TMEM132D: variants seen among roughly 807,000 people sequenced by gnomAD.
TMEM132D encodes transmembrane protein 132D, also known as mature OL transmembrane protein.
TMEM132D carries 21 observed loss-of-function variants against 62.3 expected under a neutral mutation model. The observed-to-expected ratio is 0.34, with a 90% CI of 0.24 to 0.49. TMEM132D has a LOEUF of 0.49. Ranked by LOEUF, TMEM132D falls within the 20% of genes least tolerant of loss-of-function variation. The pLI is 0.99. For synonymous variants in TMEM132D, 621 were observed against 575.6 expected, an observed-to-expected ratio of 1.08 and a Z score of -1.13; for missense variants, 1,346 against 1,402.8, an observed-to-expected ratio of 0.96 and a Z score of 0.65.
chr12:129,091,527 C>T (rs1874917245), intron 5 of TMEM132D, among the ~76,000 whole-genome samples: 1 of 151,832 alleles, frequency 6.6e-6, no homozygotes, highest in East Asian at 2.0e-4. Context: ...CCTATGCTCA[C>T]CTGGGCTCTG....
intron 2 of TMEM132D, among the ~76,000 whole-genome samples, chr12:129,681,262 T>C (rs1189816553): frequency 6.6e-6 from 1 of 152,256 alleles, no homozygotes; most frequent in Non-Finnish European, 1.5e-5. Context: ...AAAGCTACTA[T>C]GAAACCCAGT....
At chr12:129,215,858 GA>G (rs1879187285) in intron 4 of TMEM132D, among the ~76,000 whole-genome samples, 1 of 152,194 alleles carries the variant, frequency 6.6e-6, no homozygotes, top group Non-Finnish European at 1.5e-5. Flanking sequence ...GGGGCAAAGA[GA>G]GAAGGAGAGC....
At chr12:129,580,128 T>A (rs892289887) in intron 2 of TMEM132D, among the ~76,000 whole-genome samples, 2 of 152,188 alleles carry the variant, frequency 1.3e-5, no homozygotes, top group African/African-American at 4.8e-5. Flanking sequence ...AAGGGAGGTT[T>A]ATCTCTTGGC....
Position 129,827,356 on chromosome 12 carries a change from A to G in TMEM132D, c.79+75905T>C, listed in dbSNP as rs1324300068. Among the ~76,000 whole-genome samples the G allele has an allele frequency of 6.6e-6, 1 of 152,196 alleles. No homozygotes were observed. Among genetic ancestry groups the G allele is most frequent in the African/African-American group, 2.4e-5 (1 of 41,450 alleles). ...GTTTCTAAGCCCCAAATTCATGGTC[A>G]CACCCCCAGGCAGAACTCTGGAGCA... On this transcript the variant is annotated intron_variant, in intron 1 of 8. Transcript: ENST00000422113. The surrounding 1 kb of genome is among the most constrained non-coding windows in gnomAD (Gnocchi z 9.7).
intron 3 of TMEM132D, among the ~76,000 whole-genome samples, chr12:129,394,181 A>G (rs530655245): frequency 1.6e-4 from 24 of 152,252 alleles, no homozygotes; most frequent in African/African-American, 5.8e-4. Flanking sequence ...GATGGGTGGG[A>G]AAAAAACCTG....
At chr12:129,328,338 C>T (rs1014896318) in intron 4 of TMEM132D, among the ~76,000 whole-genome samples, 2 of 152,212 alleles carry the variant, frequency 1.3e-5, no homozygotes, top group African/African-American at 2.4e-5. Flanking sequence ...TCAGGAAATG[C>T]TTTTCAAATG....
chr12:129,290,710 TAAA>T (rs1478797360), intron 4 of TMEM132D, among the ~76,000 whole-genome samples: 4 of 152,208 alleles, frequency 2.6e-5, no homozygotes, highest in African/African-American at 9.6e-5. Flanking sequence ...TGCAATATTT[TAAA>T]CATGATAATA....
In TMEM132D at chr12:129,371,081, C is replaced by G. The variant is rs1410236869; in HGVS notation, c.1116-33264G>C. Among the ~76,000 whole-genome samples, 1 of 152,028 alleles carries G rather than the reference C, an allele frequency of 6.6e-6. No individual in the cohort carries two copies. The highest frequency in any genetic ancestry group is 1.5e-5 in the Non-Finnish European group (1 of 68,016). The stretch of plus-strand genomic sequence containing the variant: ...CAGATAAATATTTGATGTGATAGAC[C>G]CAATTACCTTGATTCGATCATTATA... On this transcript the variant is annotated intron_variant, in intron 3 of 8. Transcript: ENST00000422113. This position sits in a 1 kb window ranked among gnomAD's most constrained non-coding sequence, Gnocchi z 4.3.
chr12:129,792,354 C>T (rs911590977), intron 1 of TMEM132D, among the ~76,000 whole-genome samples: 3 of 152,118 alleles, frequency 2.0e-5, no homozygotes, highest in Non-Finnish European at 4.4e-5. Context: ...TAGCTCTCTC[C>T]CCTGTAAAAC....
chr12:129,477,870 A>G (rs1874316910), intron 3 of TMEM132D, among the ~76,000 whole-genome samples: 1 of 150,638 alleles, frequency 6.6e-6, no homozygotes, highest in Non-Finnish European at 1.5e-5. Flanking sequence ...ATATACAGAG[A>G]GAGAGAGAGA....
chr12:129,099,465 C>T (rs56008229), intron 5 of TMEM132D, among the ~76,000 whole-genome samples: 20,361 of 152,206 alleles, frequency 0.13, 4,553 homozygotes, highest in African/African-American at 0.46. Context: ...AAAAAAACCT[C>T]CCACCTATGC....
chr12:129,722,325 G>A (rs2398472), intron 1 of TMEM132D, among the ~76,000 whole-genome samples: 125,513 of 151,884 alleles, frequency 0.83, 52,388 homozygotes, highest in Non-Finnish European at 0.9. Context: ...AAGTCGAAAT[G>A]CCGACTGCCT....
At chr12:129,177,283 T>C (rs896279236) in intron 5 of TMEM132D, among the ~76,000 whole-genome samples, 3 of 152,174 alleles carry the variant, frequency 2.0e-5, no homozygotes, top group Non-Finnish European at 2.9e-5. Context: ...CATCCCCCTA[T>C]GGGCTATGTC....
At chr12:129,370,781 A>G (rs1318704933) in intron 3 of TMEM132D, among the ~76,000 whole-genome samples, 1 of 152,358 alleles carries the variant, frequency 6.6e-6, no homozygotes, top group Middle Eastern at 3.4e-3. Context: ...CCAGGCAGAG[A>G]AAGACAAATA....
chr12:129,349,088 T>A lies in TMEM132D; in HGVS notation c.1116-11271A>T, dbSNP rs78481545. On this transcript the variant is annotated intron_variant, in intron 3 of 8. Transcript: ENST00000422113. ...TCAGGGACTTTGGTTTTCTCCTGAATGCCCCACTCCCTGTTGGGAAAGGAT... is the reference window on the plus strand; with the variant it reads ...TCAGGGACTTTGGTTTTCTCCTGAAAGCCCCACTCCCTGTTGGGAAAGGAT... Among the ~76,000 whole-genome samples, 1,402 of 152,334 alleles carry A rather than the reference T, an allele frequency of 9.2e-3. 24 individuals carry two copies. Among genetic ancestry groups the A allele is most frequent in the African/African-American group, 0.032 (1,340 of 41,580 alleles).
chr12:129,099,033 G>T (rs1372777368), intron 5 of TMEM132D, among the ~76,000 whole-genome samples: 3 of 152,246 alleles, frequency 2.0e-5, no homozygotes, highest in African/African-American at 7.2e-5. Context: ...AATTCATATT[G>T]CAGGAAGAAA....
chr12:129,631,141 C>A (rs1879336028), intron 2 of TMEM132D, among the ~76,000 whole-genome samples: 1 of 152,078 alleles, frequency 6.6e-6, no homozygotes. Flanking sequence ...TGCTAATTAG[C>A]TTGCTCAAGG....
At chr12:129,560,005 G>A (rs1877170107) in intron 2 of TMEM132D, among the ~76,000 whole-genome samples, 1 of 152,164 alleles carries the variant, frequency 6.6e-6, no homozygotes, top group African/African-American at 2.4e-5. Context: ...AACAGCTGTT[G>A]AGGCCAGAAC....
At position 129,286,256 on chromosome 12, in the gene TMEM132D, A is replaced by G. The variant is rs1024220085; in HGVS notation, c.1299+51378T>C. On this transcript the variant is annotated intron_variant, in intron 4 of 8. Transcript: ENST00000422113. ...GCAAAGCAGAAGGAGTACAGAACCC[A>G]AAATATACGTGGGCATTGGTGTTTC... Among the ~76,000 whole-genome samples the G allele has an allele frequency of 4.6e-5, 7 of 152,366 alleles. No homozygotes were observed. The East Asian group carries it at 1.3e-3, about 29-fold the overall frequency.
Sources: gnomAD v4.1 joint callset for allele counts (sites outside exome capture counted in the v4.1 genomes callset) on GRCh38, gnomAD v4.1.1 for gene constraint, Gnocchi (gnomAD v3.1) non-coding constraint, MANE v1.5 for transcripts, NCBI Gene and HGNC (gene_info 2026-07-23, HGNC 2026-07-21) for gene names.